Variants in IGF2BP2 observed in about 807,000 individuals in gnomAD.
IGF2BP2 encodes the protein insulin like growth factor 2 mRNA binding protein 2, also known as insulin-like growth factor 2 mRNA-binding protein 2.
A neutral mutation model predicts 75.8 loss-of-function variants in IGF2BP2; 17 were observed. That is an observed-to-expected ratio of 0.22 (90% CI 0.15 to 0.34). IGF2BP2 has a LOEUF of 0.34. Among genes scored for constraint, IGF2BP2 ranks in the 10% least tolerant of loss-of-function variants. The pLI is 1.00. For missense variants in IGF2BP2, 516 were observed against 772.4 expected (o/e 0.67, Z 3.93); for synonymous variants, 288 against 295.6 (o/e 0.97, Z 0.26).
At chr3:185,820,275 T>A (rs1057168077) in intron 2 of IGF2BP2, among the ~76,000 whole-genome samples, 1 of 133,538 alleles carries the variant, frequency 7.5e-6, no homozygotes, top group East Asian at 2.2e-4. Context: ...CACACACACA[T>A]AATTTTTAAG....
chr3:185,801,135 A>G (rs1738198770), intron 2 of IGF2BP2, among the ~76,000 whole-genome samples: 1 of 152,224 alleles, frequency 6.6e-6, no homozygotes, highest in Admixed American at 6.5e-5. Flanking sequence ...TCATTAAAGA[A>G]ATGCAAATCA....
chr3:185,665,476 GAGAAGAAGGAGGAGAAGGAGGAGGAGA>G (rs1717340540), intron 10 of IGF2BP2, among the ~76,000 whole-genome samples: 1 of 70,748 alleles, frequency 1.4e-5, no homozygotes, highest in South Asian at 6.6e-4. Context: ...GAAGAAGAAG[GAGAAGAAGGAGGAGAAGGAGGAGGAGA>G]AGGAGGAGGA....
chr3:185,774,378 G>A (rs570679385), intron 2 of IGF2BP2, among the ~76,000 whole-genome samples: 50 of 151,272 alleles, frequency 3.3e-4, no homozygotes, highest in South Asian at 1.3e-3. Context: ...GGCGGATCAC[G>A]AGGTCAGGAG....
rs752244353 is a variant in IGF2BP2 at position 185,811,877 on chromosome 3, T to C, written c.239+11276A>G. Among the ~76,000 whole-genome samples the C allele has an allele frequency of 7.8e-3, 375 of 48,000 alleles. 3 individuals carry two copies. The highest frequency in any genetic ancestry group is 8.5e-3 in the African/African-American group (20 of 2,352). The allele number at this position is 48,000 out of a possible 152,430, so 31.5% of individuals were successfully genotyped here. Reference sequence around the variant, plus strand: ...CTCTCTCTCTCTCTCTCTCTCTCTCTCCCCCTCTCCCTGCCTGGGCATCAG... The same window carrying C: ...CTCTCTCTCTCTCTCTCTCTCTCTCCCCCCCTCTCCCTGCCTGGGCATCAG... On this transcript the variant is annotated intron_variant, in intron 2 of 15. Transcript: ENST00000382199.
chr3:185,823,252 G>C, intron 1 of IGF2BP2, 39 bp from the exon 2 acceptor site: 10 of 1,525,698 alleles, frequency 6.6e-6, no homozygotes, highest in Non-Finnish European at 8.1e-6. Context: ...ACCTTGCTTA[G>C]ATCAAGCCCG....
chr3:185,768,511 C>T (rs1249990158), intron 2 of IGF2BP2, among the ~76,000 whole-genome samples: 1 of 152,012 alleles, frequency 6.6e-6, no homozygotes, highest in Non-Finnish European at 1.5e-5. Context: ...TTTAAAAGGT[C>T]CTTTAATACT....
chr3:185,690,504 A>AT (rs1721800852), intron 5 of IGF2BP2, among the ~76,000 whole-genome samples: 1 of 152,236 alleles, frequency 6.6e-6, no homozygotes, highest in South Asian at 2.1e-4. Context: ...TATCAGTATA[A>AT]TTTTTAATGA....
chr3:185,808,252 G>C (rs1171661189), intron 2 of IGF2BP2, among the ~76,000 whole-genome samples: 1 of 152,058 alleles, frequency 6.6e-6, no homozygotes, highest in Non-Finnish European at 1.5e-5. Context: ...GAGGCGGGTG[G>C]ATCACCTGAG....
intron 2 of IGF2BP2, among the ~76,000 whole-genome samples, chr3:185,748,478 A>G (rs190531019): frequency 1.7e-4 from 26 of 152,362 alleles, no homozygotes; most frequent in Admixed American, 1.6e-3. Flanking sequence ...CCCTCCAGTA[A>G]TAGGTTACAT....
At chr3:185,689,967 C>CAAAAAAAAAAAAAAAAAAA (rs5855070) in intron 5 of IGF2BP2, among the ~76,000 whole-genome samples, 2 of 118,218 alleles carry the variant, frequency 1.7e-5, no homozygotes, top group African/African-American at 6.4e-5. Flanking sequence ...GACTCCGTCT[C>CAAAAAAAAAAAAAAAAAAA]AAAAAAAAAA....
intron 2 of IGF2BP2, among the ~76,000 whole-genome samples, chr3:185,725,877 T>C (rs1249049960): frequency 6.6e-6 from 1 of 152,034 alleles, no homozygotes; most frequent in African/African-American, 2.4e-5. Context: ...AGGCTGAGGA[T>C]CACCTGAGCC....
At chr3:185,651,342 A>G (rs1014463859) in intron 13 of IGF2BP2, among the ~76,000 whole-genome samples, 4 of 152,110 alleles carry the variant, frequency 2.6e-5, no homozygotes, top group Non-Finnish European at 5.9e-5. Context: ...CATGTTGTCC[A>G]ATACTGAGTT....
intron 2 of IGF2BP2, among the ~76,000 whole-genome samples, chr3:185,782,342 G>C (rs898761880): frequency 2.0e-5 from 3 of 152,034 alleles, no homozygotes; most frequent in African/African-American, 7.2e-5. Context: ...TCTAATATTG[G>C]TCCATTTGAC....
At chr3:185,746,211 A>C (rs1442800888) in intron 2 of IGF2BP2, among the ~76,000 whole-genome samples, 2 of 152,236 alleles carry the variant, frequency 1.3e-5, no homozygotes, top group Non-Finnish European at 2.9e-5. Context: ...CCTGTTATAC[A>C]GTCTGCCTGG....
intron 2 of IGF2BP2, among the ~76,000 whole-genome samples, chr3:185,786,541 G>A (rs774817448): frequency 6.6e-5 from 10 of 151,714 alleles, no homozygotes; most frequent in African/African-American, 1.9e-4. Flanking sequence ...CTTGTGACCC[G>A]CCCCTGCCCG....
At chr3:185,678,805 T>C (rs2149261442) in intron 7 of IGF2BP2, among the ~76,000 whole-genome samples, 1 of 152,372 alleles carries the variant, frequency 6.6e-6, no homozygotes, top group African/African-American at 2.4e-5. Flanking sequence ...TTTAGAACTC[T>C]GAGGTTTGGT....
chr3:185,752,733 A>T (rs2149642565), intron 2 of IGF2BP2, among the ~76,000 whole-genome samples: 1 of 152,026 alleles, frequency 6.6e-6, no homozygotes, highest in African/African-American at 2.4e-5. Flanking sequence ...AGTAGCTGGT[A>T]TTACATGTGT....
intron 10 of IGF2BP2, among the ~76,000 whole-genome samples, chr3:185,663,906 T>C (rs1716876893): frequency 6.6e-6 from 1 of 152,212 alleles, no homozygotes; most frequent in African/African-American, 2.4e-5. Flanking sequence ...TTGCTGGTAT[T>C]TTAAGGCATA....
At position 185,652,137 on chromosome 3, in the gene IGF2BP2, T is replaced by G. The variant is rs1329435750; in HGVS notation, c.1418A>C (p.Glu473Ala). The change falls in exon 13 of 16, where the codon GAA (glutamate) becomes GCA (alanine). Residue 473 changes from glutamate to alanine, a missense_variant. Physicochemically the swap from Glu to Ala is moderately radical, Grantham distance 107. Around this residue, in one of 3 missense-constraint regions of IGF2BP2, gnomAD observed 129 missense variants for 230.5 expected, o/e 0.56. Coordinates refer to ENST00000382199, the MANE Select transcript of IGF2BP2 (RefSeq NM_006548.6). The part of the protein sequence containing the change: ...IAPAEGPDVS[E>A]RMVIITGPPE... ...TGGCCCGGTGATGATGACCATCCTT[T>G]CGCTGACGTCTGGGCCTTCCGCAGG... is the stretch of plus-strand genomic sequence containing the variant. The G allele has an allele frequency of 6.2e-7, 1 of 1,613,274 alleles. No homozygotes were observed. The highest frequency in any genetic ancestry group is 1.1e-5 in the South Asian group (1 of 90,864).
Sources: gnomAD v4.1 joint callset for allele counts (sites outside exome capture counted in the v4.1 genomes callset) on GRCh38, gnomAD v4.1.1 for gene constraint, gnomAD v4.1.1 regional missense constraint, MANE v1.5 for transcripts, NCBI Gene and HGNC (gene_info 2026-07-23, HGNC 2026-07-21) for gene names.